The following UGT1A10 variants were observed in gnomAD, a reference collection of about 807,000 sequenced individuals.
The protein encoded by UGT1A10 is UDP-glucuronosyltransferase 1A10.
In UGT1A10, 49 loss-of-function variants were observed where a neutral mutation model predicts 45.8. That is an observed-to-expected ratio of 1.07 (90% CI 0.85 to 1.36). The LOEUF (loss-of-function observed/expected upper bound fraction) is 1.36. Ranked by LOEUF, UGT1A10 falls within the 40% of genes most tolerant of loss-of-function variation. The pLI is 0.00. For missense variants in UGT1A10, 745 were observed against 668.6 expected (o/e 1.11, Z -1.26); for synonymous variants, 284 against 249.7 (o/e 1.14, Z -1.29).
rs886044684 is a variant in UGT1A10 at position 233,767,925 on chromosome 2, A to G, written c.1064A>G (p.Asn355Ser). The G allele has an allele frequency of 1.2e-6, 2 of 1,614,156 alleles. No homozygotes were observed. Among genetic ancestry groups the G allele is most frequent in the Non-Finnish European group, 1.7e-6 (2 of 1,180,038 alleles). The change falls in exon 3 of 5, where the codon AAC (asparagine) becomes AGC (serine). Residue 355 changes from asparagine (N) to serine (S), a missense_variant. Transcript: ENST00000344644. ...ATACTTGTTAAGTGGCTACCCCAAA[A>G]CGATCTGCTTGGTATGTTGGGCGGA... ...NTILVKWLPQ[N>S]DLLGHPMTRA...
chr2:233,760,681 CACA>C (rs1697528171), intron 1 of UGT1A10: 4 of 1,614,246 alleles, frequency 2.5e-6, no homozygotes, highest in East Asian at 2.2e-5. Context: ...CCACTTACTG[CACA>C]ACAAGGAGCT....
intron 1 of UGT1A10, among the ~76,000 whole-genome samples, chr2:233,687,061 C>G (rs2074821200): frequency 6.6e-6 from 1 of 152,144 alleles, no homozygotes; most frequent in Non-Finnish European, 1.5e-5. Flanking sequence ...CTGGAGTCCT[C>G]CAAGCCTGAT....
In UGT1A10 at chr2:233,656,886, G is replaced by A. The variant is rs545142318; in HGVS notation, c.855+19509G>A. On this transcript the variant is annotated intron_variant, in intron 1 of 4. Coordinates refer to ENST00000344644, the MANE Select transcript of UGT1A10 (RefSeq NM_019075.4). The stretch of plus-strand genomic sequence containing the variant: ...CCTATTAAGATGTGCAGATAAACAC[G>A]CACATGCTTCATGTGGCATCTCCCT... Among the ~76,000 whole-genome samples, 347 of 151,972 alleles carry A rather than the reference G, an allele frequency of 2.3e-3. 18 individuals are homozygous for A. The South Asian group carries it at 0.071, about 31-fold the overall frequency.
intron 1 of UGT1A10, among the ~76,000 whole-genome samples, chr2:233,640,023 G>A (rs975969344): frequency 3.3e-5 from 5 of 152,174 alleles, no homozygotes; most frequent in African/African-American, 1.2e-4. Context: ...TCCATGGTAG[G>A]TGCAGCTCTG....
At chr2:233,735,698 A>C (rs1273245395) in intron 1 of UGT1A10, among the ~76,000 whole-genome samples, 2 of 152,000 alleles carry the variant, frequency 1.3e-5, no homozygotes, top group Admixed American at 6.5e-5. Flanking sequence ...CTTGTAAGGC[A>C]GGCCTGGTGG....
intron 1 of UGT1A10, among the ~76,000 whole-genome samples, chr2:233,708,167 T>G (rs2076006763): frequency 6.6e-6 from 1 of 152,200 alleles, no homozygotes; most frequent in African/African-American, 2.4e-5. Context: ...TGCCGGAAAA[T>G]GGACTTACTG....
At chr2:233,692,312 A>G (rs2075089951) in intron 1 of UGT1A10, 1 of 153,442 alleles carries the variant, frequency 6.5e-6, no homozygotes, top group Non-Finnish European at 1.5e-5. Context: ...TATCCTTTGT[A>G]ATAAACCAAA....
intron 1 of UGT1A10, among the ~76,000 whole-genome samples, chr2:233,764,833 G>C (rs1171416505): frequency 3.9e-5 from 6 of 151,966 alleles, no homozygotes; most frequent in African/African-American, 1.2e-4. Flanking sequence ...TGGTGGTGGG[G>C]AGGATGACTC....
At chr2:233,697,412 C>A (rs2075389371) in intron 1 of UGT1A10, among the ~76,000 whole-genome samples, 1 of 151,670 alleles carries the variant, frequency 6.6e-6, no homozygotes, top group African/African-American at 2.4e-5. Flanking sequence ...TCTGTGGTGT[C>A]AGTTGCTGTG....
At chr2:233,718,690 G>A in intron 1 of UGT1A10, 1 of 1,588,038 alleles carries the variant, frequency 6.3e-7, no homozygotes. Context: ...GTAACTGGAG[G>A]AGGGCACTTT....
Position 233,772,431 on chromosome 2 carries a change from A to T in UGT1A10, c.1465A>T (p.Ile489Phe). ...GTACCAGTACCATTCCTTGGACGTG[A>T]TTGGTTTCCTCTTGGCCGTCGTGCT... ...TWYQYHSLDV[I>F]GFLLAVVLTV... The change falls in exon 5 of 5, where the codon ATT becomes TTT. Residue 489 changes from isoleucine to phenylalanine, a missense_variant. Ile to Phe is a conservative substitution (Grantham distance 21, BLOSUM62 0). Coordinates refer to ENST00000344644, the MANE Select transcript of UGT1A10 (RefSeq NM_019075.4). 1 of 1,614,128 alleles carries T rather than the reference A, an allele frequency of 6.2e-7. No individual in the cohort carries two copies. Among genetic ancestry groups the T allele is most frequent in the Non-Finnish European group, 8.5e-7 (1 of 1,180,030 alleles).
intron 1 of UGT1A10, chr2:233,738,890 T>A (rs1690929435): frequency 6.6e-6 from 1 of 152,188 alleles, no homozygotes. Flanking sequence ...TCAGAGACCT[T>A]TGCAGCAGAC....
At chr2:233,719,126 A>G (rs771877893) in intron 1 of UGT1A10, 1 of 1,614,270 alleles carries the variant, frequency 6.2e-7, no homozygotes. Context: ...GGTTCTTTGA[A>G]ACAGAACATC....
chr2:233,713,398 C>A (rs1193578945), intron 1 of UGT1A10: 1 of 1,613,966 alleles, frequency 6.2e-7, no homozygotes, highest in African/African-American at 1.3e-5. Context: ...CATAATGAGG[C>A]CCTGATCAGG....
intron 1 of UGT1A10, among the ~76,000 whole-genome samples, chr2:233,758,085 A>G (rs1336263007): frequency 6.6e-6 from 1 of 152,196 alleles, no homozygotes; most frequent in African/African-American, 2.4e-5. Flanking sequence ...AGTTCCTAGC[A>G]TAGTGACTGC....
At position 233,769,677 on chromosome 2, in the gene UGT1A10, G is replaced by A; in HGVS notation, c.1295+1238G>A. 6.3e-6 allele frequency: 10 copies of A among 1,577,312 alleles called. No homozygotes were observed. Among genetic ancestry groups the A allele is most frequent in the Non-Finnish European group, 8.6e-6 (10 of 1,161,616 alleles). ...TCCCACCTTTGAGGTGCTAATGTGT[G>A]TGTGGTGGCACTGGATAAAAGATCA... On this transcript the variant is annotated intron_variant, in intron 4 of 4. Transcript: ENST00000344644. The surrounding 1 kb of genome is among the most constrained non-coding windows in gnomAD (Gnocchi z 4.4).
intron 1 of UGT1A10, among the ~76,000 whole-genome samples, chr2:233,749,970 G>A (rs373320687): frequency 6.6e-6 from 1 of 151,884 alleles, no homozygotes; most frequent in Non-Finnish European, 1.5e-5. Context: ...TGTCTTTATA[G>A]CAGTGTGAGA....
chr2:233,751,391 A>G (rs1477667065), intron 1 of UGT1A10, among the ~76,000 whole-genome samples: 1 of 152,112 alleles, frequency 6.6e-6, no homozygotes, highest in African/African-American at 2.4e-5. Flanking sequence ...TGTCTCAGAT[A>G]AGACTTTGGA....
chr2:233,636,823 C>T lies in UGT1A10; in HGVS notation c.301C>T (p.Gln101Ter). 1.9e-6 allele frequency: 3 copies of T among 1,614,194 alleles called. No individual in the cohort carries two copies. The highest frequency in any genetic ancestry group is 1.1e-5 in the South Asian group (1 of 91,082). The change falls in exon 1 of 5, where the codon CAG becomes TAG. Residue 101 changes from glutamine to a stop codon, truncating the protein, a stop_gained. Transcript: ENST00000344644. LOFTEE classifies it high-confidence loss of function. ...TTTCGCCCATGCTCAATGGAAAGCACAGGCACAAAGTATATTTTCTCTATT... is the reference window on the plus strand; with the variant it reads ...TTTCGCCCATGCTCAATGGAAAGCATAGGCACAAAGTATATTTTCTCTATT... ...MVFAHAQWKA[Q>*]AQSIFSLLMS...
Sources: allele counts gnomAD v4.1 joint callset (sites outside exome capture counted in the v4.1 genomes callset), GRCh38; gene constraint gnomAD v4.1.1; non-coding constraint Gnocchi (gnomAD v3.1); transcripts MANE v1.5; gene names NCBI Gene and HGNC (gene_info 2026-07-23, HGNC 2026-07-21).